Variants in SBK1 observed in about 807,000 individuals in gnomAD.
The protein encoded by SBK1 is serine/threonine-protein kinase SBK1.
In SBK1, 11 loss-of-function variants were observed where a neutral mutation model predicts 24.4. The ratio of observed to expected loss-of-function variants is 0.45; its 90% CI spans 0.28 to 0.75. The LOEUF (loss-of-function observed/expected upper bound fraction) is 0.75, where lower values mean the gene tolerates loss of function less well. SBK1 is among the 30% of genes least tolerant of loss of function. The pLI is 0.12. For missense variants in SBK1, 467 were observed against 620.5 expected (o/e 0.75, Z 2.63); for synonymous variants, 308 against 284.4 (o/e 1.08, Z -0.83).
At chr16:28,270,200 T>A (rs1597009888) in intron 1 of SBK1, among the ~76,000 whole-genome samples, 2 of 151,830 alleles carry the variant, frequency 1.3e-5, no homozygotes, top group Non-Finnish European at 1.5e-5. Context: ...TAGCTGGGAC[T>A]ACAGGCGCAC....
At chr16:28,312,814 A>G (rs1030127618) in intron 1 of SBK1, among the ~76,000 whole-genome samples, 11 of 152,324 alleles carry the variant, frequency 7.2e-5, no homozygotes, top group African/African-American at 2.6e-4. Flanking sequence ...AGCCTGGGCA[A>G]CAAGGTGAGA....
intron 1 of SBK1, among the ~76,000 whole-genome samples, chr16:28,316,700 G>C (rs1004869735): frequency 9.2e-5 from 14 of 152,226 alleles, no homozygotes; most frequent in Non-Finnish European, 2.1e-4. Context: ...ATGTACCCCA[G>C]AACTAAAAAT....
Position 28,259,355 on chromosome 16 carries a change from A to C in SBK1, c.110A>C (p.Glu37Ala). 1.6e-6 allele frequency: 1 copy of C among 631,668 alleles called. No homozygotes were observed. Among genetic ancestry groups the C allele is most frequent in the Non-Finnish European group, 2.0e-6 (1 of 507,000 alleles). 39.1% of individuals were successfully genotyped at this position (631,668 alleles called of 1,614,324 possible). A position where few individuals can be genotyped will look rare whatever the true frequency, so the allele number is the denominator to read the frequency against. ...GCCCAGGCTGGCGATGATGCTGCGG[A>C]GGCCACCCCTGGCCACCCCTGCCCT... is the stretch of plus-strand genomic sequence containing the variant. The change falls in exon 1 of 4, where the codon GAG (glutamate) becomes GCG (alanine). Residue 37 changes from glutamate to alanine, a missense_variant. Coordinates refer to the SBK1 transcript ENST00000671413. The surrounding 1 kb of genome is among the most constrained non-coding windows in gnomAD (Gnocchi z 6.0).
At chr16:28,283,982 T>G (rs1379781281) in intron 1 of SBK1, among the ~76,000 whole-genome samples, 1 of 152,180 alleles carries the variant, frequency 6.6e-6, no homozygotes, top group Non-Finnish European at 1.5e-5. Flanking sequence ...AGGCAGAGTA[T>G]CAATACCCCA....
At position 28,282,626 on chromosome 16, in the gene SBK1, G is replaced by GTGAATGAATGAATGAATGAATGAATGAA. The variant is rs774095552; in HGVS notation, c.257+23146_257+23147insAATGAATGAATGAATGAATGAATGAATG. ...ACATTTTGGGGGCCTGGGAACAAGTGTGAATGAATGAATGAATGAATGGAG... is the reference window on the plus strand; with the variant it reads ...ACATTTTGGGGGCCTGGGAACAAGTGTGAATGAATGAATGAATGAATGAATGAATGAATGAATGAATGAATGAATGGAG... On this transcript the variant is annotated intron_variant, in intron 1 of 3. Coordinates refer to the SBK1 transcript ENST00000671413. Among the ~76,000 whole-genome samples the GTGAATGAATGAATGAATGAATGAATGAA allele has an allele frequency of 2.1e-3, 314 of 150,138 alleles. 1 individual carries two copies. Among genetic ancestry groups the GTGAATGAATGAATGAATGAATGAATGAA allele is most frequent in the South Asian group, 0.013 (62 of 4,678 alleles).
At position 28,300,491 on chromosome 16, in the gene SBK1, T is replaced by TC. The variant is rs199908840; in HGVS notation, c.-8+7191_-8+7192insC. On this transcript the variant is annotated intron_variant, in intron 1 of 3. Transcript: ENST00000341901. ...CATGCCACCATGCCTGGCTCATTTT[T>TC]TTTTTAATGTTTTATAGAAATGGGG... Among the ~76,000 whole-genome samples, 254 of 152,148 alleles carry TC rather than the reference T, an allele frequency of 1.7e-3. 1 individual carries two copies. Among genetic ancestry groups the TC allele is most frequent in the African/African-American group, 5.7e-3 (237 of 41,490 alleles).
intron 1 of SBK1, among the ~76,000 whole-genome samples, chr16:28,300,885 A>G (rs1420023634): frequency 6.6e-6 from 1 of 152,216 alleles, no homozygotes; most frequent in Admixed American, 6.5e-5. Flanking sequence ...AATGGCGGTG[A>G]AAGCCTGAAC....
chr16:28,263,626 T>C (rs1473528807), intron 1 of SBK1, among the ~76,000 whole-genome samples: 9 of 152,100 alleles, frequency 5.9e-5, no homozygotes, highest in African/African-American at 1.4e-4. Context: ...GGCGAGGAGA[T>C]GGATTTTGTT....
chr16:28,288,387 C>T (rs895846034), upstream of SBK1, among the ~76,000 whole-genome samples: 1 of 152,176 alleles, frequency 6.6e-6, no homozygotes, highest in Non-Finnish European at 1.5e-5. Flanking sequence ...TTTTCAGGGC[C>T]GTCACCTTCC....
chr16:28,292,600 C>G lies in SBK1; in HGVS notation c.-708C>G, dbSNP rs1470009461. Reference sequence around the variant, plus strand: ...CGCCAGGCGGAGCGCGAGCTGGAGCCGCAGCCGGAGCCCGGGCCAGGCCGG... The same window carrying G: ...CGCCAGGCGGAGCGCGAGCTGGAGCGGCAGCCGGAGCCCGGGCCAGGCCGG... On this transcript the variant is annotated 5_prime_UTR_variant, in exon 1 of 4. Coordinates refer to ENST00000341901, the MANE Select transcript of SBK1 (RefSeq NM_001024401.3). 5.1e-6 allele frequency: 5 copies of G among 979,950 alleles called. No homozygotes were observed. Among genetic ancestry groups the G allele is most frequent in the Non-Finnish European group, 6.0e-6 (5 of 827,224 alleles). The allele number at this position is 979,950 out of a possible 1,614,324, so 60.7% of individuals were successfully genotyped here. A position where few individuals can be genotyped will look rare whatever the true frequency, so the allele number is the denominator to read the frequency against.
intron 1 of SBK1, among the ~76,000 whole-genome samples, chr16:28,272,365 AG>A: frequency 6.6e-6 from 1 of 151,800 alleles, no homozygotes; most frequent in East Asian, 2.0e-4. Flanking sequence ...CCCCTGGTAC[AG>A]AGTTACACAG....
Position 28,320,073 on chromosome 16 carries a change from C to G in SBK1, c.430-3C>G. The G allele has an allele frequency of 6.7e-7, 1 of 1,487,528 alleles. No homozygotes were observed. The highest frequency in any genetic ancestry group is 8.9e-7 in the Non-Finnish European group (1 of 1,125,474). The allele number at this position is 1,487,528 out of a possible 1,614,324, so 92.1% of individuals were successfully genotyped here. ...CAGCGCGGCTTCCCCCGGCCGCCCG[C>G]AGGTGGGGCTCCCTGAGGACACGGT... On this transcript the variant is annotated splice_region_variant and splice_polypyrimidine_tract_variant and intron_variant, in intron 3 of 3. Transcript: ENST00000341901. The surrounding 1 kb of genome is among the most constrained non-coding windows in gnomAD (Gnocchi z 8.5).
intron 1 of SBK1, among the ~76,000 whole-genome samples, chr16:28,296,006 A>G (rs1437351994): frequency 4.1e-5 from 6 of 144,642 alleles, no homozygotes; most frequent in Non-Finnish European, 7.5e-5. Flanking sequence ...GCTCACTACA[A>G]CCTCCAGCCC....
At chr16:28,272,619 C>CTTTTTTTTTTT (rs71140961) in intron 1 of SBK1, among the ~76,000 whole-genome samples, 16 of 105,966 alleles carry the variant, frequency 1.5e-4, no homozygotes, top group Admixed American at 6.5e-4. Flanking sequence ...TTCTTTCTTT[C>CTTTTTTTTTTT]TTTTTTTTTT....
At chr16:28,279,569 T>C (rs2044516873) in intron 1 of SBK1, among the ~76,000 whole-genome samples, 1 of 152,156 alleles carries the variant, frequency 6.6e-6, no homozygotes. Flanking sequence ...TTCAACTACT[T>C]TCACCTCGAA....
rs1393861759 is a variant in SBK1, at chr16:28,320,561, A to T, written c.915A>T (p.Pro305=). ...LLALEPERRG[P]AKEVFRFLKH... ...CCCTGGAGCCCGAGCGCCGCGGCCC[A>T]GCCAAGGAGGTGTTCCGCTTCCTCA... Residue 305 remains proline (P), a synonymous_variant, in exon 4 of 4, where the codon CCA becomes CCT. Transcript: ENST00000341901. This position sits in a 1 kb window ranked among gnomAD's most constrained non-coding sequence, Gnocchi z 8.5. 6.5e-7 allele frequency: 1 copy of T among 1,549,288 alleles called. No homozygotes were observed. Among genetic ancestry groups the T allele is most frequent in the Non-Finnish European group, 8.7e-7 (1 of 1,154,752 alleles).
chr16:28,273,991 T>C (rs1425758889), intron 1 of SBK1, among the ~76,000 whole-genome samples: 3 of 152,160 alleles, frequency 2.0e-5, no homozygotes, highest in African/African-American at 4.8e-5. Flanking sequence ...TCCAGTGATA[T>C]GACATTCTGG....
intron 1 of SBK1, among the ~76,000 whole-genome samples, chr16:28,282,843 G>T (rs1023510445): frequency 6.6e-6 from 1 of 152,160 alleles, no homozygotes; most frequent in East Asian, 1.9e-4. Flanking sequence ...AGCATACCCT[G>T]GGGTGCTGAG....
At chr16:28,279,513 C>T (rs1480282178) in intron 1 of SBK1, among the ~76,000 whole-genome samples, 1 of 152,014 alleles carries the variant, frequency 6.6e-6, no homozygotes, top group Non-Finnish European at 1.5e-5. Context: ...ATAAGAGGCC[C>T]CACGTTTAAA....
Sources: allele counts gnomAD v4.1 joint callset (sites outside exome capture counted in the v4.1 genomes callset), GRCh38; gene constraint gnomAD v4.1.1; non-coding constraint Gnocchi (gnomAD v3.1); transcripts MANE v1.5; gene names NCBI Gene and HGNC (gene_info 2026-07-23, HGNC 2026-07-21).